The following PTPRD variants were observed in gnomAD, a reference collection of about 807,000 sequenced individuals.
PTPRD encodes the protein receptor-type tyrosine-protein phosphatase delta.
In PTPRD, 34 loss-of-function variants were observed where a neutral mutation model predicts 214.5. The observed-to-expected ratio is 0.16, with a 90% CI of 0.12 to 0.21. PTPRD has a LOEUF of 0.21. PTPRD is among the 10% of genes least tolerant of loss of function. PTPRD has a pLI of 1.00. For missense variants in PTPRD, 2,545 were observed against 2,398.7 expected (o/e 1.06, Z -1.27); for synonymous variants, 1,128 against 845.7 (o/e 1.33, Z -5.79).
At chr9:10,455,396 C>G (rs1266784498) in intron 2 of PTPRD, among the ~76,000 whole-genome samples, 1 of 151,750 alleles carries the variant, frequency 6.6e-6, no homozygotes, top group African/African-American at 2.4e-5. Flanking sequence ...TGGTCCTCAA[C>G]TATCACCTTA....
Position 10,363,991 on chromosome 9 carries a change from G to GTTTTTTTTTTTTTTTTTT in PTPRD, c.-599-22992_-599-22975dup, listed in dbSNP as rs71270610. 1.7e-4 allele frequency among the ~76,000 whole-genome samples: 6 copies of GTTTTTTTTTTTTTTTTTT among 35,124 alleles called. 1 individual carries two copies. The highest frequency in any genetic ancestry group is 3.7e-4 in the African/African-American group (3 of 8,086). The allele number at this position is 35,124 out of a possible 152,430, so 23.0% of individuals were successfully genotyped here. ...ATTATTATTGCCTCCACATTTTCGGGTTTTTTTTTTTTTTTTTTTTTTTTT... is the reference window on the plus strand; with the variant it reads ...ATTATTATTGCCTCCACATTTTCGGGTTTTTTTTTTTTTTTTTTTTTTTTTTTTTTTTTTTTTTTTTTT... On this transcript the variant is annotated intron_variant, in intron 2 of 45. Coordinates refer to ENST00000381196, the MANE Select transcript of PTPRD (RefSeq NM_002839.4).
chr9:9,488,727 C>A (rs1215994689), intron 8 of PTPRD, among the ~76,000 whole-genome samples: 1 of 152,162 alleles, frequency 6.6e-6, no homozygotes, highest in African/African-American at 2.4e-5. Flanking sequence ...AGGCTTGCAA[C>A]TTCCAGGTAA....
intron 2 of PTPRD, among the ~76,000 whole-genome samples, chr9:10,576,235 A>C (rs990645061): frequency 5.3e-5 from 8 of 152,120 alleles, no homozygotes; most frequent in Admixed American, 4.6e-4. Context: ...TAACAGTCTA[A>C]TGATATCTTA....
chr9:9,690,959 T>C (rs533564000), intron 7 of PTPRD, among the ~76,000 whole-genome samples: 2 of 151,988 alleles, frequency 1.3e-5, no homozygotes, highest in East Asian at 3.9e-4. Flanking sequence ...TTTTATGGTT[T>C]CATATACATT....
At chr9:8,728,045 C>T (rs1317583478) in intron 12 of PTPRD, among the ~76,000 whole-genome samples, 1 of 152,012 alleles carries the variant, frequency 6.6e-6, no homozygotes, top group African/African-American at 2.4e-5. Context: ...GTCGGGAGTT[C>T]GAGACCAGCC....
chr9:8,764,703 G>A lies in PTPRD; in HGVS notation c.-103-30757C>T, dbSNP rs1236917929. On this transcript the variant is annotated intron_variant, in intron 11 of 45. Transcript: ENST00000381196. ...CCATCTACTCAGGAGGCTGAGGCAG[G>A]AGAGTTGTTTGAACCCGGGAGCTGG... Among the ~76,000 whole-genome samples the A allele has an allele frequency of 2.6e-5, 4 of 151,912 alleles. No homozygotes were observed. In the East Asian group the frequency reaches 7.7e-4, roughly 29 times the overall value.
chr9:10,297,206 C>T (rs947492481), intron 3 of PTPRD, among the ~76,000 whole-genome samples: 1 of 150,556 alleles, frequency 6.6e-6, no homozygotes, highest in African/African-American at 2.4e-5. Flanking sequence ...ATACATGTGC[C>T]ATGTTGTGTG....
At chr9:8,446,272 C>T (rs1038226751) in intron 34 of PTPRD, among the ~76,000 whole-genome samples, 2 of 152,064 alleles carry the variant, frequency 1.3e-5, no homozygotes, top group Non-Finnish European at 2.9e-5. Context: ...TGGGGAATAT[C>T]GGGCAGAATT....
At chr9:9,870,267 A>C (rs916894348) in intron 5 of PTPRD, among the ~76,000 whole-genome samples, 9 of 152,074 alleles carry the variant, frequency 5.9e-5, no homozygotes, top group African/African-American at 1.9e-4. Context: ...AAGAATCTTG[A>C]TATAAAAACA....
At chr9:10,448,074 T>C (rs2098811876) in intron 2 of PTPRD, among the ~76,000 whole-genome samples, 1 of 152,010 alleles carries the variant, frequency 6.6e-6, no homozygotes, top group Non-Finnish European at 1.5e-5. Context: ...TTGAGGAAAC[T>C]GAGCCCCAAA....
intron 7 of PTPRD, among the ~76,000 whole-genome samples, chr9:9,616,030 G>A (rs539209112): frequency 3.9e-5 from 6 of 152,034 alleles, no homozygotes; most frequent in African/African-American, 7.2e-5. Context: ...AAATCAAAAC[G>A]TTTCTAGAAT....
chr9:10,201,222 T>C (rs983438015), intron 3 of PTPRD, among the ~76,000 whole-genome samples: 1 of 151,950 alleles, frequency 6.6e-6, no homozygotes, highest in African/African-American at 2.4e-5. Flanking sequence ...TGAATGAACA[T>C]AGTATAAAAA....
chr9:8,346,005 C>G (rs959609178), intron 39 of PTPRD, among the ~76,000 whole-genome samples: 6 of 151,992 alleles, frequency 3.9e-5, no homozygotes, highest in Admixed American at 2.0e-4. Context: ...TTTTTCAGCA[C>G]AAGTGGAGAT....
chr9:8,972,193 CTCTT>C (rs1261965405), intron 11 of PTPRD, among the ~76,000 whole-genome samples: 1 of 151,856 alleles, frequency 6.6e-6, no homozygotes, highest in African/African-American at 2.4e-5. Context: ...TGATATGTCT[CTCTT>C]TCTCTTTCAG....
chr9:10,302,559 G>A (rs1022660729), intron 3 of PTPRD, among the ~76,000 whole-genome samples: 2 of 152,258 alleles, frequency 1.3e-5, no homozygotes, highest in East Asian at 1.9e-4. Context: ...AAAATAGAGG[G>A]ATGGAGAAAT....
At chr9:8,893,178 A>C (rs567732198) in intron 11 of PTPRD, among the ~76,000 whole-genome samples, 3 of 152,304 alleles carry the variant, frequency 2.0e-5, no homozygotes, top group African/African-American at 4.8e-5. Context: ...GAACGGACCA[A>C]GAGAGAAAAA....
chr9:8,979,617 C>T (rs1209779837), intron 11 of PTPRD, among the ~76,000 whole-genome samples: 1 of 151,970 alleles, frequency 6.6e-6, no homozygotes, highest in Non-Finnish European at 1.5e-5. Flanking sequence ...ATAAAACTGG[C>T]CAACAATTAT....
intron 8 of PTPRD, among the ~76,000 whole-genome samples, chr9:9,568,559 A>G (rs1054187583): frequency 6.6e-6 from 1 of 151,876 alleles, no homozygotes; most frequent in Non-Finnish European, 1.5e-5. Context: ...TTAACCATCC[A>G]ATTATGACAG....
intron 9 of PTPRD, among the ~76,000 whole-genome samples, chr9:9,346,693 A>AT (rs913429637): frequency 2.1e-4 from 31 of 150,028 alleles, no homozygotes; most frequent in East Asian, 1.4e-3. Context: ...AAGTGCCTTA[A>AT]TTTTTTTTTT....
Sources: gnomAD v4.1 joint callset for allele counts (sites outside exome capture counted in the v4.1 genomes callset) on GRCh38, gnomAD v4.1.1 for gene constraint, MANE v1.5 for transcripts, NCBI Gene and HGNC (gene_info 2026-07-23, HGNC 2026-07-21) for gene names.